Variants in TAF4 observed in about 807,000 individuals in gnomAD.
The protein encoded by TAF4 is TATA-box binding protein associated factor 4, also known as transcription initiation factor TFIID subunit 4.
TAF4 carries 9 observed loss-of-function variants against 90.3 expected under a neutral mutation model. The ratio of observed to expected loss-of-function variants is 0.10; its 90% CI spans 0.06 to 0.17. The LOEUF is 0.17. Among genes scored for constraint, TAF4 ranks in the 10% least tolerant of loss-of-function variants. TAF4 has a pLI of 1.00. For synonymous variants in TAF4, 818 were observed against 638.9 expected (o/e 1.28, Z -4.23); for missense variants, 1,351 against 1,370.7 (o/e 0.99, Z 0.23).
intron 1 of TAF4, among the ~76,000 whole-genome samples, chr20:62,018,606 G>C (rs912856437): frequency 2.8e-4 from 43 of 152,166 alleles, no homozygotes; most frequent in Non-Finnish European, 2.9e-5. Context: ...CAGGGCGGAG[G>C]GTTCTGTCTG....
At chr20:62,003,992 G>C in intron 7 of TAF4, 114 bp from the exon 8 acceptor site, 2 of 1,277,952 alleles carry the variant, frequency 1.6e-6, no homozygotes, top group Non-Finnish European at 2.1e-6. Context: ...CCCCCAGTAA[G>C]AAGTCCTAGG....
chr20:62,024,784 C>G (rs1347225243), intron 1 of TAF4, among the ~76,000 whole-genome samples: 4 of 151,916 alleles, frequency 2.6e-5, no homozygotes, highest in African/African-American at 9.7e-5. Flanking sequence ...GCACGAAAAT[C>G]GCGTGAACCC....
Position 62,003,717 on chromosome 20 carries a change from C to CG in TAF4, c.2371+13dup, listed in dbSNP as rs544246847. On this transcript the variant is annotated intron_variant, in intron 8 of 14. Coordinates refer to ENST00000252996, the MANE Select transcript of TAF4 (RefSeq NM_003185.4). ...CCTTGGTGTTGAGCGGCCAGGGGCC[C>CG]GCGAGGCCCTCACCTGGCTGCAGTG... The CG allele has an allele frequency of 2.5e-3, 3,889 of 1,570,634 alleles. 14 individuals carry two copies. The highest frequency in any genetic ancestry group is 3.0e-3 in the Non-Finnish European group (3,479 of 1,163,850).
chr20:62,006,726 G>C lies in TAF4; in HGVS notation c.2007C>G (p.Pro669=). Residue 669 remains proline, a synonymous_variant, in exon 7 of 15, where the codon CCC becomes CCG. Coordinates refer to ENST00000252996, the MANE Select transcript of TAF4 (RefSeq NM_003185.4). The surrounding 1 kb of genome is among the most constrained non-coding windows in gnomAD (Gnocchi z 7.0). ...RSLPALRQLT[P]DSAAFIQQSQ... is the part of the protein sequence containing the mutation. ...TCTGCTGGATGAAGGCCGCGGAGTC[G>C]GGGGTCAGCTGTCTCAAGGCGGGTA... 1 of 1,554,528 alleles carries C rather than the reference G, an allele frequency of 6.4e-7. No individual in the cohort carries two copies. The highest frequency in any genetic ancestry group is 8.7e-7 in the Non-Finnish European group (1 of 1,143,660).
At chr20:62,048,315 T>A (rs2056005320) in intron 1 of TAF4, among the ~76,000 whole-genome samples, 1 of 152,088 alleles carries the variant, frequency 6.6e-6, no homozygotes, top group African/African-American at 2.4e-5. Context: ...TGGACACACC[T>A]AGGAAAGGAT....
At chr20:61,985,862 C>A (rs903726323) in intron 14 of TAF4, among the ~76,000 whole-genome samples, 1 of 152,022 alleles carries the variant, frequency 6.6e-6, no homozygotes, top group South Asian at 2.1e-4. Flanking sequence ...ACACCTGCTG[C>A]CCAGAGTATG....
intron 9 of TAF4, among the ~76,000 whole-genome samples, chr20:62,001,175 C>T (rs756632241): frequency 3.9e-5 from 6 of 152,204 alleles, no homozygotes; most frequent in Admixed American, 6.5e-5. Context: ...GAACATTCTG[C>T]ACGTGTTTCC....
At position 62,065,400 on chromosome 20, in the gene TAF4, G is replaced by A. The variant is rs2056124456; in HGVS notation, c.411C>T (p.Cys137=). ...RPPPEGSAGS[C]APVPAAAAVA... ...CGGCGGCGGCGGCGGGCACCGGGGC[G>A]CAGGACCCCGCGCTGCCCTCGGGCG... The change falls in exon 1 of 15, where the codon TGC becomes TGT. Residue 137 remains cysteine (C), a synonymous_variant. Transcript: ENST00000252996. The A allele has an allele frequency of 3.1e-6, 3 of 972,702 alleles. No individual in the cohort carries two copies. The highest frequency in any genetic ancestry group is 4.6e-5 in the South Asian group (1 of 21,580). The allele number at this position is 972,702 out of a possible 1,614,324, so 60.3% of individuals were successfully genotyped here.
chr20:62,014,467 CT>C, intron 2 of TAF4, 79 bp downstream of exon 2: 1 of 1,468,760 alleles, frequency 6.8e-7, no homozygotes. Context: ...GTGCCTGGCC[CT>C]TGCAGGTTTC....
chr20:61,995,239 G>A (rs2055656285), intron 14 of TAF4, among the ~76,000 whole-genome samples: 1 of 152,164 alleles, frequency 6.6e-6, no homozygotes. Flanking sequence ...AATGTGAGAT[G>A]GCCCAGGTGT....
chr20:62,028,380 A>T (rs1391598581), intron 1 of TAF4, among the ~76,000 whole-genome samples: 1 of 152,192 alleles, frequency 6.6e-6, no homozygotes, highest in East Asian at 1.9e-4. Flanking sequence ...ACATGGGTCA[A>T]ACTTCCAGGG....
At position 62,014,715 on chromosome 20, in the gene TAF4, C is replaced by T. The variant is rs1228046594; in HGVS notation, c.1361-8G>A. ...TTCGGACGAGGACCATTCCTGCAGA[C>T]AAAGGAGACCTGGCGTCAGGAACGC... On this transcript the variant is annotated splice_region_variant and splice_polypyrimidine_tract_variant and intron_variant, in intron 1 of 14. Transcript: ENST00000252996. 6.2e-7 allele frequency: 1 copy of T among 1,612,322 alleles called. No individual in the cohort carries two copies. The highest frequency in any genetic ancestry group is 2.2e-5 in the East Asian group (1 of 44,840).
chr20:62,041,234 C>T (rs79935190), intron 1 of TAF4, among the ~76,000 whole-genome samples: 3 of 152,198 alleles, frequency 2.0e-5, no homozygotes, highest in Non-Finnish European at 4.4e-5. Flanking sequence ...GGTAGACATC[C>T]TCAATCTGTG....
chr20:62,065,582 C>T lies in TAF4; in HGVS notation c.229G>A (p.Ala77Thr), dbSNP rs2056126278. Residue 77 changes from alanine to threonine, a missense_variant, in exon 1 of 15, where the codon GCC becomes ACC. By Grantham distance (58) the Ala-to-Thr change is moderately conservative. Coordinates refer to ENST00000252996, the MANE Select transcript of TAF4 (RefSeq NM_003185.4). The stretch of plus-strand genomic sequence containing the variant: ...GCTCCGGGCGCGCCCTCGGCGGGGG[C>T]GGCCGGCCCTGCGCCCGCGGCTCCG... ...PAGAAGAGPA[A>T]PAEGAPGAAP... 1 of 978,756 alleles carries T rather than the reference C, an allele frequency of 1.0e-6. No homozygotes were observed. The highest frequency in any genetic ancestry group is 1.8e-5 in the African/African-American group (1 of 55,540). 60.6% of individuals were successfully genotyped at this position (978,756 alleles called of 1,614,324 possible).
intron 14 of TAF4, among the ~76,000 whole-genome samples, chr20:61,985,405 T>A (rs2055581797): frequency 6.6e-6 from 1 of 151,876 alleles, no homozygotes; most frequent in Non-Finnish European, 1.5e-5. Context: ...AGAGCAAGAC[T>A]CCATCTCTAA....
intron 1 of TAF4, among the ~76,000 whole-genome samples, chr20:62,022,622 C>A (rs1246169448): frequency 2.0e-5 from 3 of 152,198 alleles, no homozygotes. Context: ...CTTACACAGG[C>A]TGGCTTTCTC....
At chr20:62,003,059 C>T in intron 9 of TAF4, 101 bp downstream of exon 9, 1 of 951,366 alleles carries the variant, frequency 1.1e-6, no homozygotes, top group South Asian at 1.6e-5. Flanking sequence ...GCCGCCAGGG[C>T]CACGTGGGAA....
rs1264251949 is a variant in TAF4 at position 62,028,836 on chromosome 20, C to T, written c.1361-14129G>A. Among the ~76,000 whole-genome samples, 3 of 152,196 alleles carry T rather than the reference C, an allele frequency of 2.0e-5. No individual in the cohort carries two copies. In the South Asian group the frequency reaches 6.2e-4, roughly 32 times the overall value. ...CCTCCAATGATACTCAACAAAGGCA[C>T]AGGCTTGCATCCCATAAATACCAAC... On this transcript the variant is annotated intron_variant, in intron 1 of 14. Coordinates refer to ENST00000252996, the MANE Select transcript of TAF4 (RefSeq NM_003185.4).
intron 1 of TAF4, among the ~76,000 whole-genome samples, chr20:62,027,740 A>G (rs1450972503): frequency 2.6e-5 from 4 of 152,194 alleles, no homozygotes; most frequent in Non-Finnish European, 5.9e-5. Flanking sequence ...AAACATCTAA[A>G]TCACATATTC....
Sources: allele counts gnomAD v4.1 joint callset (sites outside exome capture counted in the v4.1 genomes callset), GRCh38; gene constraint gnomAD v4.1.1; non-coding constraint Gnocchi (gnomAD v3.1); transcripts MANE v1.5; gene names NCBI Gene and HGNC (gene_info 2026-07-23, HGNC 2026-07-21).